SENP5: variants seen among roughly 807,000 people sequenced by gnomAD.
The protein encoded by SENP5 is sentrin-specific protease 5.
SENP5 carries 21 observed loss-of-function variants against 74.2 expected under a neutral mutation model. The ratio of observed to expected loss-of-function variants is 0.28; its 90% CI spans 0.20 to 0.41. The LOEUF (loss-of-function observed/expected upper bound fraction) is 0.41. SENP5 is among the 10% of genes least tolerant of loss of function. SENP5 has a pLI of 1.00. For missense variants in SENP5, 717 were observed against 889.1 expected (o/e 0.81, Z 2.46); for synonymous variants, 311 against 312.7 (o/e 0.99, Z 0.06).
In SENP5 at chr3:196,934,576, C is replaced by G. The variant is rs564886739; in HGVS notation, c.*3653C>G. On this transcript the variant is annotated 3_prime_UTR_variant, in exon 10 of 10. Coordinates refer to ENST00000323460, the MANE Select transcript of SENP5 (RefSeq NM_152699.5). ...TGTATTTGGGTGTTACAAAAGCAGA[C>G]CTAGACGAGCTGTTCACTTAACTGG... 1 of 152,274 alleles carries G rather than the reference C, an allele frequency of 6.6e-6. No individual in the cohort carries two copies. The highest frequency in any genetic ancestry group is 2.1e-4 in the South Asian group (1 of 4,828). The allele number at this position is 152,274 out of a possible 1,614,324, so 9.4% of individuals were successfully genotyped here.
chr3:196,871,292 GT>G (rs987877525), intron 1 of SENP5, among the ~76,000 whole-genome samples: 10 of 152,190 alleles, frequency 6.6e-5, no homozygotes, highest in Non-Finnish European at 1.3e-4. Context: ...TTATTTTTGT[GT>G]CTGGAATACC....
At position 196,929,623 on chromosome 3, in the gene SENP5, T is replaced by C; in HGVS notation, c.2107-10T>C. On this transcript the variant is annotated splice_polypyrimidine_tract_variant and intron_variant, in intron 8 of 9. Coordinates refer to ENST00000323460, the MANE Select transcript of SENP5 (RefSeq NM_152699.5). ...TCTTGTTTTAATGACTATTTTGTTT[T>C]TCCCTTCAGTGTATTCCACAACAGA... 2 of 1,575,844 alleles carry C rather than the reference T, an allele frequency of 1.3e-6. No individual in the cohort carries two copies. Among genetic ancestry groups the C allele is most frequent in the Non-Finnish European group, 1.7e-6 (2 of 1,151,224 alleles).
intron 7 of SENP5, among the ~76,000 whole-genome samples, 164 bp downstream of exon 7, chr3:196,923,715 C>A (rs1715710262): frequency 6.6e-6 from 1 of 152,216 alleles, no homozygotes; most frequent in Admixed American, 6.5e-5. Context: ...GAATCTCTGG[C>A]TGAGGAGAGG....
chr3:196,928,474 C>A (rs1715899474), intron 8 of SENP5, among the ~76,000 whole-genome samples: 1 of 152,164 alleles, frequency 6.6e-6, no homozygotes, highest in South Asian at 2.1e-4. Flanking sequence ...CTCATTTGAT[C>A]CTTATAACCT....
At chr3:196,924,445 T>C (rs962918729) in intron 7 of SENP5, among the ~76,000 whole-genome samples, 2 of 152,212 alleles carry the variant, frequency 1.3e-5, no homozygotes, top group African/African-American at 4.8e-5. Context: ...TAGTAAATTT[T>C]AGGAAAAATG....
In SENP5 at chr3:196,867,959, G is replaced by C. The variant is rs907436381; in HGVS notation, c.-146G>C. 1 of 152,200 alleles carries C rather than the reference G, an allele frequency of 6.6e-6. No individual in the cohort carries two copies. Among genetic ancestry groups the C allele is most frequent in the Non-Finnish European group, 1.5e-5 (1 of 68,044 alleles). 9.4% of individuals were successfully genotyped at this position (152,200 alleles called of 1,614,324 possible). The stretch of plus-strand genomic sequence containing the variant: ...GGCTGTGGCCGCGGCGAACAGGCCG[G>C]ACGCCTCGTCGCTGGCGGGGCTTCC... On this transcript the variant is annotated 5_prime_UTR_variant, in exon 1 of 10. Coordinates refer to ENST00000323460, the MANE Select transcript of SENP5 (RefSeq NM_152699.5).
At chr3:196,868,995 C>T (rs1427871974) in intron 1 of SENP5, among the ~76,000 whole-genome samples, 1 of 151,684 alleles carries the variant, frequency 6.6e-6, no homozygotes, top group South Asian at 2.1e-4. Context: ...TTTGGGTGGG[C>T]AGCATCAGGA....
At position 196,931,768 on chromosome 3, in the gene SENP5, T is replaced by C; in HGVS notation, c.*845T>C. ...GTCAAACAAATGAGAATGCAGCTGT[T>C]CTCAGAGTAATTTTTAAGTTGTCAT... On this transcript the variant is annotated 3_prime_UTR_variant, in exon 10 of 10. Transcript: ENST00000323460. The C allele has an allele frequency of 3.1e-6, 1 of 319,826 alleles. No individual in the cohort carries two copies. Among genetic ancestry groups the C allele is most frequent in the Non-Finnish European group, 6.2e-6 (1 of 161,806 alleles). The allele number at this position is 319,826 out of a possible 1,614,324, so 19.8% of individuals were successfully genotyped here.
chr3:196,878,241 G>A (rs756402264), intron 1 of SENP5, among the ~76,000 whole-genome samples: 1 of 152,000 alleles, frequency 6.6e-6, no homozygotes, highest in Non-Finnish European at 1.5e-5. Flanking sequence ...TACTGTGGAG[G>A]TGGAGGTGGG....
chr3:196,878,268 G>A (rs954759267), intron 1 of SENP5, among the ~76,000 whole-genome samples: 6 of 152,014 alleles, frequency 3.9e-5, no homozygotes. Context: ...AATATGAGGA[G>A]TTGTTTGAAA....
chr3:196,904,781 T>G (rs1017170665), intron 6 of SENP5, among the ~76,000 whole-genome samples: 2 of 151,984 alleles, frequency 1.3e-5, no homozygotes, highest in African/African-American at 4.8e-5. Flanking sequence ...AGAGCGAGAC[T>G]CCATGTCAAA....
chr3:196,875,727 ATTTTATTT>A (rs1713434767), intron 1 of SENP5, among the ~76,000 whole-genome samples: 2 of 151,808 alleles, frequency 1.3e-5, no homozygotes, highest in South Asian at 2.1e-4. Flanking sequence ...TTTAATTTTT[ATTTTATTT>A]TTTTATTTTT....
At chr3:196,897,645 G>A (rs1360141283) in intron 2 of SENP5, among the ~76,000 whole-genome samples, 1 of 152,214 alleles carries the variant, frequency 6.6e-6, no homozygotes, top group Non-Finnish European at 1.5e-5. Context: ...TTTCTATCCT[G>A]TTTATATCAA....
rs1326894156 is a variant in SENP5, at chr3:196,885,135, C to G, written c.-31-16C>G. ...TATTTTTAGATAGAAATATAACTTA[C>G]TTCTCTTCTTTACAGCTGCATCCAG... On this transcript the variant is annotated splice_polypyrimidine_tract_variant and intron_variant, in intron 1 of 9. Coordinates refer to ENST00000323460, the MANE Select transcript of SENP5 (RefSeq NM_152699.5). 2 of 1,422,574 alleles carry G rather than the reference C, an allele frequency of 1.4e-6. No individual in the cohort carries two copies. Among genetic ancestry groups the G allele is most frequent in the Admixed American group, 2.1e-5 (1 of 48,396 alleles). The allele number at this position is 1,422,574 out of a possible 1,614,324, so 88.1% of individuals were successfully genotyped here.
intron 6 of SENP5, among the ~76,000 whole-genome samples, chr3:196,917,273 CTG>C (rs1230583423): frequency 1.3e-5 from 2 of 151,824 alleles, no homozygotes; most frequent in South Asian, 4.1e-4. Context: ...TAAGGACAGA[CTG>C]TATGTAAATA....
chr3:196,875,891 G>C (rs1388469001), intron 1 of SENP5, among the ~76,000 whole-genome samples: 1 of 151,876 alleles, frequency 6.6e-6, no homozygotes, highest in African/African-American at 2.4e-5. Context: ...CACCACTTTT[G>C]GCTATTTTTT....
At chr3:196,917,592 AAGGAGCTCC>A (rs1029928298) in intron 6 of SENP5, among the ~76,000 whole-genome samples, 12 of 152,210 alleles carry the variant, frequency 7.9e-5, no homozygotes, top group African/African-American at 2.9e-4. Flanking sequence ...ATAACATATG[AAGGAGCTCC>A]AATACATCTG....
At chr3:196,879,980 C>T (rs557880873) in intron 1 of SENP5, among the ~76,000 whole-genome samples, 30 of 152,274 alleles carry the variant, frequency 2.0e-4, no homozygotes, top group African/African-American at 6.7e-4. Flanking sequence ...TGGTCTCACT[C>T]TGTTGCCCAG....
At chr3:196,887,062 G>C (rs188136836) in intron 2 of SENP5, among the ~76,000 whole-genome samples, 11 of 152,138 alleles carry the variant, frequency 7.2e-5, no homozygotes, top group Non-Finnish European at 1.3e-4. Context: ...CATTTGTTAA[G>C]CTTTGGCAGT....
Sources: allele counts gnomAD v4.1 joint callset (sites outside exome capture counted in the v4.1 genomes callset), GRCh38; gene constraint gnomAD v4.1.1; transcripts MANE v1.5; gene names NCBI Gene and HGNC (gene_info 2026-07-23, HGNC 2026-07-21).